PLCL1: variants seen among roughly 807,000 people sequenced by gnomAD.
PLCL1 encodes inactive phospholipase C-like protein 1.
A neutral mutation model predicts 84.4 loss-of-function variants in PLCL1; 41 were observed. The ratio of observed to expected loss-of-function variants is 0.49; its 90% CI spans 0.38 to 0.63. The LOEUF (loss-of-function observed/expected upper bound fraction) is 0.63. Among genes scored for constraint, PLCL1 ranks in the 30% least tolerant of loss-of-function variants. The probability of loss-of-function intolerance (pLI) is 0.00; values close to 1 mark genes in which losing one functional copy is unlikely to be tolerated. For missense variants in PLCL1, 1,206 were observed against 1,367.8 expected, an observed-to-expected ratio of 0.88 and a Z score of 1.87; for synonymous variants, 490 against 488.3, an observed-to-expected ratio of 1.00 and a Z score of -0.05.
intron 1 of PLCL1, among the ~76,000 whole-genome samples, chr2:197,872,827 C>T (rs1687671757): frequency 6.6e-6 from 1 of 152,108 alleles, no homozygotes; most frequent in Non-Finnish European, 1.5e-5. Flanking sequence ...AAGACAATAA[C>T]TACAGGATGA....
chr2:198,010,535 C>T (rs974360340), intron 1 of PLCL1, among the ~76,000 whole-genome samples: 2 of 151,708 alleles, frequency 1.3e-5, no homozygotes, highest in African/African-American at 2.4e-5. Context: ...GTGTGATCAA[C>T]GTGTGCTTGA....
At chr2:197,957,466 T>C (rs1020058193) in intron 1 of PLCL1, among the ~76,000 whole-genome samples, 5 of 152,104 alleles carry the variant, frequency 3.3e-5, no homozygotes, top group African/African-American at 9.7e-5. Context: ...TCTTTCTTTG[T>C]TTTAGAAGCC....
chr2:198,142,696 T>C (rs1253747938), intron 5 of PLCL1, among the ~76,000 whole-genome samples: 3 of 152,148 alleles, frequency 2.0e-5, no homozygotes, highest in African/African-American at 7.2e-5. Context: ...ATGGTGGCCA[T>C]TGCTCTTGGG....
chr2:197,823,570 C>G (rs1191603949), intron 1 of PLCL1, among the ~76,000 whole-genome samples: 1 of 152,076 alleles, frequency 6.6e-6, no homozygotes, highest in Non-Finnish European at 1.5e-5. Flanking sequence ...ATTCTTAAGA[C>G]TTTGATCATA....
chr2:197,897,583 CA>C (rs1688178612), intron 1 of PLCL1, among the ~76,000 whole-genome samples: 1 of 152,034 alleles, frequency 6.6e-6, no homozygotes, highest in South Asian at 2.1e-4. Context: ...AAAAAACAAA[CA>C]AAAATTATTG....
At chr2:197,941,499 C>T (rs1351112656) in intron 1 of PLCL1, among the ~76,000 whole-genome samples, 1 of 152,104 alleles carries the variant, frequency 6.6e-6, no homozygotes. Context: ...ACTATGTTTC[C>T]CAGGCTGGTC....
intron 1 of PLCL1, among the ~76,000 whole-genome samples, chr2:197,946,437 G>T (rs958761872): frequency 2.0e-5 from 3 of 152,078 alleles, no homozygotes; most frequent in Non-Finnish European, 4.4e-5. Flanking sequence ...AGAACAGGCT[G>T]TTTACAGAAA....
chr2:198,035,549 T>C (rs541047021), intron 1 of PLCL1, among the ~76,000 whole-genome samples: 1 of 152,186 alleles, frequency 6.6e-6, no homozygotes, highest in Non-Finnish European at 1.5e-5. Context: ...GATGGGGACA[T>C]GTCAAAAGGA....
chr2:198,084,419 A>G lies in PLCL1; in HGVS notation c.902A>G (p.Glu301Gly), dbSNP rs754492605. 4.3e-6 allele frequency: 7 copies of G among 1,614,162 alleles called. No homozygotes were observed. In the South Asian group the frequency reaches 7.7e-5, roughly 18 times the overall value. ...KEKLTTRVTEEEFCEAFCELC... is the reference protein window; with the variant it reads ...KEKLTTRVTEGEFCEAFCELC... ...AAACTAACCACCCGCGTGACCGAAG[A>G]GGAATTTTGTGAAGCTTTTTGTGAA... The change falls in exon 2 of 6, where the codon GAG becomes GGG. Residue 301 changes from glutamate (E) to glycine (G), a missense_variant. Transcript: ENST00000428675.
chr2:198,074,869 G>A (rs770854713), intron 1 of PLCL1, among the ~76,000 whole-genome samples: 21 of 152,142 alleles, frequency 1.4e-4, no homozygotes, highest in Admixed American at 2.6e-4. Context: ...AAAAGTATGC[G>A]TCTATTTGAA....
At chr2:197,925,576 A>G (rs1435438205) in intron 1 of PLCL1, among the ~76,000 whole-genome samples, 1 of 152,226 alleles carries the variant, frequency 6.6e-6, no homozygotes, top group African/African-American at 2.4e-5. Context: ...CTCCTAGCCA[A>G]GGAGAAAGCC....
intron 1 of PLCL1, among the ~76,000 whole-genome samples, chr2:197,870,993 A>G (rs1687641745): frequency 6.6e-6 from 1 of 152,048 alleles, no homozygotes; most frequent in South Asian, 2.1e-4. Context: ...TGGATATTAA[A>G]CTACATGAGC....
chr2:198,125,784 G>A (rs1222477991), intron 5 of PLCL1, among the ~76,000 whole-genome samples: 3 of 152,044 alleles, frequency 2.0e-5, no homozygotes, highest in Non-Finnish European at 4.4e-5. Flanking sequence ...TTTCTTTCTA[G>A]TACTAAAACA....
chr2:198,118,954 A>G (rs1693806711), intron 5 of PLCL1, among the ~76,000 whole-genome samples: 2 of 152,024 alleles, frequency 1.3e-5, no homozygotes, highest in African/African-American at 4.8e-5. Flanking sequence ...ATCTTCAGTC[A>G]TTTCAAAAGG....
At chr2:197,873,072 A>G (rs1687675519) in intron 1 of PLCL1, among the ~76,000 whole-genome samples, 1 of 152,190 alleles carries the variant, frequency 6.6e-6, no homozygotes, top group Admixed American at 6.6e-5. Flanking sequence ...ACTATGTTAT[A>G]GTCACTCCAC....
intron 5 of PLCL1, among the ~76,000 whole-genome samples, chr2:198,114,276 C>T (rs771625426): frequency 6.6e-5 from 10 of 151,742 alleles, no homozygotes; most frequent in African/African-American, 2.2e-4. Context: ...AGATAAAAGC[C>T]GGGCTGTTGA....
rs560198330 is a variant in PLCL1 at position 198,030,443 on chromosome 2, T to TG, written c.241-53311dup. The stretch of plus-strand genomic sequence containing the variant: ...TAATAAATAAAAGTTTTTCCACAGT[T>TG]GGGGAAAGGAAGATAAAAAAGTTTA... On this transcript the variant is annotated intron_variant, in intron 1 of 5. Transcript: ENST00000428675. 5.9e-5 allele frequency among the ~76,000 whole-genome samples: 9 copies of TG among 152,228 alleles called. No individual in the cohort carries two copies. In the East Asian group the frequency reaches 1.7e-3, roughly 29 times the overall value.
intron 1 of PLCL1, among the ~76,000 whole-genome samples, chr2:197,974,252 G>A (rs187651456): frequency 1.3e-5 from 2 of 152,274 alleles, no homozygotes; most frequent in African/African-American, 4.8e-5. Flanking sequence ...TTGAAGGAAA[G>A]ATATCAGACA....
chr2:197,953,857 T>A (rs1024001258), intron 1 of PLCL1, among the ~76,000 whole-genome samples: 1 of 152,020 alleles, frequency 6.6e-6, no homozygotes, highest in African/African-American at 2.4e-5. Context: ...CAGAGTTTTT[T>A]TTTTTTCTAA....
Sources: gnomAD v4.1 joint callset for allele counts (sites outside exome capture counted in the v4.1 genomes callset) on GRCh38, gnomAD v4.1.1 for gene constraint, MANE v1.5 for transcripts, NCBI Gene and HGNC (gene_info 2026-07-23, HGNC 2026-07-21) for gene names.